PPM1H: variants seen among roughly 807,000 people sequenced by gnomAD.
PPM1H encodes the protein protein phosphatase, Mg2+/Mn2+ dependent 1H.
In PPM1H, 27 loss-of-function variants were observed where a neutral mutation model predicts 54.9. The observed-to-expected ratio is 0.49, with a 90% CI of 0.36 to 0.68. The LOEUF (loss-of-function observed/expected upper bound fraction) is 0.68. Ranked by LOEUF, PPM1H falls within the 30% of genes least tolerant of loss-of-function variation. PPM1H has a pLI of 0.00. For missense variants in PPM1H, 596 were observed against 667.8 expected, an observed-to-expected ratio of 0.89 and a Z score of 1.19; for synonymous variants, 305 against 270.8, an observed-to-expected ratio of 1.13 and a Z score of -1.24.
intron 1 of PPM1H, among the ~76,000 whole-genome samples, chr12:62,933,759 A>G (rs3858674): frequency 0.06 from 9,166 of 152,098 alleles, 611 homozygotes; most frequent in East Asian, 0.34. Context: ...TGGGTCGTCA[A>G]CCTAACTCAG....
chr12:62,707,131 C>T (rs2076179614), intron 6 of PPM1H, among the ~76,000 whole-genome samples: 1 of 152,174 alleles, frequency 6.6e-6, no homozygotes, highest in Admixed American at 6.5e-5. Context: ...TGAAGATGAG[C>T]AGGAATCAGA....
At position 62,703,975 on chromosome 12, in the gene PPM1H, CGTGTGTGTGTGT is replaced by C. The variant is rs4026211; in HGVS notation, c.1074-9988_1074-9977del. Among the ~76,000 whole-genome samples, 469 of 146,654 alleles carry C rather than the reference CGTGTGTGTGTGT, an allele frequency of 3.2e-3. 2 individuals are homozygous for C. Among genetic ancestry groups the C allele is most frequent in the African/African-American group, 0.011 (440 of 39,596 alleles). Reference sequence around the variant, plus strand: ...CTCACTACATGAAAGAGAGAGAAAGCGTGTGTGTGTGTGTGTGTGTGTGTGTGTGTGTGTGTG... The same window carrying C: ...CTCACTACATGAAAGAGAGAGAAAGCGTGTGTGTGTGTGTGTGTGTGTGTG... On this transcript the variant is annotated intron_variant, in intron 6 of 9. Transcript: ENST00000228705.
chr12:62,698,277 T>C (rs2076124543), intron 6 of PPM1H, among the ~76,000 whole-genome samples: 2 of 152,158 alleles, frequency 1.3e-5, no homozygotes, highest in African/African-American at 4.8e-5. Flanking sequence ...CCTAGGAGTT[T>C]AACGGTACTT....
Position 62,720,309 on chromosome 12 carries a change from G to T in PPM1H, c.955-20C>A. ...GAATGCCTAATAGCAAAAAGAAAAA[G>T]AAAAAACACACACATACACGTATTT... On this transcript the variant is annotated intron_variant, in intron 5 of 9. Coordinates refer to ENST00000228705, the MANE Select transcript of PPM1H (RefSeq NM_020700.2). 1.3e-6 allele frequency: 2 copies of T among 1,535,794 alleles called. No individual in the cohort carries two copies. The highest frequency in any genetic ancestry group is 2.7e-5 in the African/African-American group (2 of 72,874).
At chr12:62,792,919 T>C (rs1451556452) in intron 3 of PPM1H, among the ~76,000 whole-genome samples, 4 of 152,250 alleles carry the variant, frequency 2.6e-5, no homozygotes, top group Non-Finnish European at 4.4e-5. Context: ...CTACCTTTTT[T>C]CTTCAAATCC....
intron 2 of PPM1H, among the ~76,000 whole-genome samples, chr12:62,802,604 C>T (rs1183039444): frequency 6.7e-6 from 1 of 150,328 alleles, no homozygotes; most frequent in Non-Finnish European, 1.5e-5. Context: ...CACTCTGTGG[C>T]CCAGGCTGGA....
At chr12:62,904,167 T>C (rs189200629) in intron 1 of PPM1H, among the ~76,000 whole-genome samples, 1 of 152,098 alleles carries the variant, frequency 6.6e-6, no homozygotes, top group African/African-American at 2.4e-5. Flanking sequence ...CATAAAGCAT[T>C]AAAACAAAAA....
chr12:62,918,575 A>C (rs747315162), intron 1 of PPM1H, among the ~76,000 whole-genome samples: 11 of 152,212 alleles, frequency 7.2e-5, no homozygotes, highest in Non-Finnish European at 1.5e-4. Flanking sequence ...ATAATGTCAC[A>C]AGAAATATTA....
chr12:62,663,097 A>G (rs140076644), intron 9 of PPM1H, among the ~76,000 whole-genome samples: 1 of 152,220 alleles, frequency 6.6e-6, no homozygotes, highest in African/African-American at 2.4e-5. Context: ...AAAGTATCCC[A>G]ATATTTGTTT....
At chr12:62,720,328 C>T (rs184965503) in intron 5 of PPM1H, 39 bp from the exon 6 acceptor site, 292 of 1,433,412 alleles carry the variant, frequency 2.0e-4, no homozygotes, top group South Asian at 7.6e-4. Flanking sequence ...CACACATACA[C>T]GTATTTAGAG....
chr12:62,930,008 G>A (rs1872084185), intron 1 of PPM1H, among the ~76,000 whole-genome samples: 1 of 152,150 alleles, frequency 6.6e-6, no homozygotes, highest in Non-Finnish European at 1.5e-5. Context: ...GCCAGGAAAA[G>A]TTAGAAGGGA....
At chr12:62,788,649 C>T (rs2076687081) in intron 3 of PPM1H, among the ~76,000 whole-genome samples, 1 of 152,202 alleles carries the variant, frequency 6.6e-6, no homozygotes. Flanking sequence ...AAAATTTAGT[C>T]TTTGTGGATT....
intron 1 of PPM1H, among the ~76,000 whole-genome samples, chr12:62,853,313 G>A (rs1169713244): frequency 6.6e-6 from 1 of 151,956 alleles, no homozygotes; most frequent in Non-Finnish European, 1.5e-5. Context: ...AAGATATTCA[G>A]GTACACGTTA....
At chr12:62,738,452 A>G (rs1315049898) in intron 4 of PPM1H, among the ~76,000 whole-genome samples, 1 of 152,126 alleles carries the variant, frequency 6.6e-6, no homozygotes, top group Non-Finnish European at 1.5e-5. Flanking sequence ...CCAGTCAAGG[A>G]CTTTTGAGGG....
intron 8 of PPM1H, among the ~76,000 whole-genome samples, chr12:62,669,937 T>TAA (rs112485603): frequency 5.0e-5 from 6 of 120,172 alleles, no homozygotes; most frequent in African/African-American, 2.0e-4. Context: ...ACCCAGTCTT[T>TAA]AAAAAAAAAA....
chr12:62,885,156 C>G (rs1870542509), intron 1 of PPM1H, among the ~76,000 whole-genome samples: 1 of 152,130 alleles, frequency 6.6e-6, no homozygotes, highest in African/African-American at 2.4e-5. Context: ...ATAGCACAGG[C>G]AAGACCAGCC....
chr12:62,783,039 C>T (rs1299158719), intron 4 of PPM1H, among the ~76,000 whole-genome samples: 2 of 152,098 alleles, frequency 1.3e-5, no homozygotes, highest in South Asian at 4.1e-4. Flanking sequence ...GCCATGTTGC[C>T]CAGGCTGGTC....
intron 1 of PPM1H, among the ~76,000 whole-genome samples, chr12:62,930,036 A>C (rs1437721294): frequency 6.6e-6 from 1 of 152,122 alleles, no homozygotes; most frequent in Non-Finnish European, 1.5e-5. Flanking sequence ...AGGCCAGGGG[A>C]TTTCCGAGCT....
At chr12:62,764,840 T>C (rs954416105) in intron 4 of PPM1H, among the ~76,000 whole-genome samples, 2 of 151,880 alleles carry the variant, frequency 1.3e-5, no homozygotes, top group Non-Finnish European at 2.9e-5. Flanking sequence ...TGGAGAAGGA[T>C]GGAGGGAGAG....
Sources: allele counts gnomAD v4.1 joint callset (sites outside exome capture counted in the v4.1 genomes callset), GRCh38; gene constraint gnomAD v4.1.1; transcripts MANE v1.5; gene names NCBI Gene and HGNC (gene_info 2026-07-23, HGNC 2026-07-21).